The following NELL2 variants were observed in gnomAD, a reference collection of about 807,000 sequenced individuals.
NELL2 encodes neural EGFL like 2, also known as protein kinase C-binding protein NELL2.
In NELL2, 41 loss-of-function variants were observed where a neutral mutation model predicts 109.6. The ratio of observed to expected loss-of-function variants is 0.37; its 90% CI spans 0.29 to 0.49. The LOEUF (loss-of-function observed/expected upper bound fraction) is 0.49. NELL2 is among the 20% of genes least tolerant of loss of function. The pLI, the probability that NELL2 is intolerant of heterozygous loss-of-function variation, is 0.98. For missense variants in NELL2, 900 were observed against 1,008.3 expected, an observed-to-expected ratio of 0.89 and a Z score of 1.45; for synonymous variants, 355 against 344.7, an observed-to-expected ratio of 1.03 and a Z score of -0.33.
At chr12:44,882,546 G>A (rs1381435589) in intron 1 of NELL2, among the ~76,000 whole-genome samples, 3 of 150,866 alleles carry the variant, frequency 2.0e-5, no homozygotes, top group African/African-American at 7.4e-5. Flanking sequence ...TTATTTTTTT[G>A]AGATGGAGTC....
intron 13 of NELL2, among the ~76,000 whole-genome samples, chr12:44,622,178 A>G (rs1350916927): frequency 6.6e-6 from 1 of 152,152 alleles, no homozygotes. Context: ...TCTAGAGTTC[A>G]TTGCACTCAC....
At chr12:44,778,589 T>C (rs956211513) in intron 5 of NELL2, among the ~76,000 whole-genome samples, 1 of 152,138 alleles carries the variant, frequency 6.6e-6, no homozygotes, top group Non-Finnish European at 1.5e-5. Context: ...TAAATAGAGA[T>C]GAGATTTGGG....
intron 2 of NELL2, among the ~76,000 whole-genome samples, chr12:44,858,556 A>G (rs1944747513): frequency 6.6e-6 from 1 of 152,222 alleles, no homozygotes; most frequent in Admixed American, 6.5e-5. Context: ...CTTCCCCAAC[A>G]GCTCCTTCAC....
chr12:44,786,243 A>T (rs1035360324), intron 3 of NELL2, among the ~76,000 whole-genome samples: 4 of 152,244 alleles, frequency 2.6e-5, no homozygotes, highest in Admixed American at 2.0e-4. Context: ...TTTCAAAAGA[A>T]GACATTTATG....
intron 13 of NELL2, among the ~76,000 whole-genome samples, chr12:44,628,246 G>A (rs1000220199): frequency 1.4e-4 from 21 of 152,146 alleles, no homozygotes; most frequent in Admixed American, 3.9e-4. Flanking sequence ...AATGGGTTTT[G>A]TAGTCTCATT....
chr12:44,790,587 T>C (rs1942344706), intron 3 of NELL2, among the ~76,000 whole-genome samples: 1 of 147,984 alleles, frequency 6.8e-6, no homozygotes, highest in African/African-American at 2.5e-5. Context: ...AAAAACAAAA[T>C]AACAACAACA....
intron 2 of NELL2, among the ~76,000 whole-genome samples, chr12:44,825,942 T>C (rs1943697372): frequency 6.6e-6 from 1 of 151,694 alleles, no homozygotes; most frequent in Non-Finnish European, 1.5e-5. Flanking sequence ...CTCTGGAGGC[T>C]GAAGCAGGAG....
At chr12:44,688,294 T>C (rs1948790580) in intron 12 of NELL2, among the ~76,000 whole-genome samples, 1 of 152,234 alleles carries the variant, frequency 6.6e-6, no homozygotes, top group Non-Finnish European at 1.5e-5. Flanking sequence ...AATATCATTA[T>C]ACAGACTCTA....
At chr12:44,744,957 G>C (rs930523135) in intron 9 of NELL2, among the ~76,000 whole-genome samples, 1 of 152,156 alleles carries the variant, frequency 6.6e-6, no homozygotes, top group Non-Finnish European at 1.5e-5. Context: ...ATTTTATGAG[G>C]CCAGCATCAT....
intron 13 of NELL2, among the ~76,000 whole-genome samples, chr12:44,636,573 G>A (rs1490070889): frequency 6.6e-6 from 1 of 152,146 alleles, no homozygotes; most frequent in Non-Finnish European, 1.5e-5. Flanking sequence ...CTGTTTATGT[G>A]ATGGATGACA....
At chr12:44,778,214 G>A (rs917664810) in intron 5 of NELL2, among the ~76,000 whole-genome samples, 5 of 152,020 alleles carry the variant, frequency 3.3e-5, no homozygotes, top group African/African-American at 7.3e-5. Flanking sequence ...AATTTTAAAC[G>A]TACCTATAAA....
intron 2 of NELL2, among the ~76,000 whole-genome samples, chr12:44,817,981 C>G (rs7964617): frequency 1.3e-5 from 2 of 152,210 alleles, no homozygotes; most frequent in African/African-American, 4.8e-5. Flanking sequence ...AGACTTGGGA[C>G]AGTTGTTCAA....
At chr12:44,613,067 C>T (rs1449440290) in intron 13 of NELL2, among the ~76,000 whole-genome samples, 4 of 151,976 alleles carry the variant, frequency 2.6e-5, no homozygotes, top group Non-Finnish European at 5.9e-5. Flanking sequence ...TATATGTTCC[C>T]TGTGACTGAA....
intron 9 of NELL2, among the ~76,000 whole-genome samples, chr12:44,765,010 C>T (rs1033542774): frequency 2.4e-4 from 37 of 152,254 alleles, no homozygotes; most frequent in Admixed American, 1.3e-3. Flanking sequence ...CACCCTGAAA[C>T]ACTGATTCAG....
intron 2 of NELL2, 82 bp from the exon 3 acceptor site, chr12:44,816,218 A>C: frequency 1.6e-6 from 2 of 1,276,298 alleles, no homozygotes; most frequent in Non-Finnish European, 2.1e-6. Flanking sequence ...CTTTCAAAAA[A>C]CTTTATCAAG....
At chr12:44,894,949 T>C (rs1012161109) in intron 1 of NELL2, among the ~76,000 whole-genome samples, 2 of 152,218 alleles carry the variant, frequency 1.3e-5, no homozygotes, top group African/African-American at 4.8e-5. Flanking sequence ...ATTCAAACAT[T>C]CTCAATAGAA....
intron 15 of NELL2, among the ~76,000 whole-genome samples, chr12:44,564,570 A>G (rs1048190021): frequency 6.6e-6 from 1 of 152,196 alleles, no homozygotes; most frequent in Non-Finnish European, 1.5e-5. Flanking sequence ...GTTGTGCCCT[A>G]TTAGACTCAC....
At chr12:44,747,963 C>T (rs940411680) in intron 9 of NELL2, among the ~76,000 whole-genome samples, 9 of 152,106 alleles carry the variant, frequency 5.9e-5, no homozygotes, top group African/African-American at 2.2e-4. Context: ...TGGAAAGATT[C>T]GAAGGCAAGT....
rs568117807 is a variant in NELL2, at chr12:44,572,474, G to C, written c.1663+34695C>G. Among the ~76,000 whole-genome samples, 5 of 152,098 alleles carry C rather than the reference G, an allele frequency of 3.3e-5. No individual in the cohort carries two copies. In the South Asian group the frequency reaches 1.0e-3, roughly 32 times the overall value. On this transcript the variant is annotated intron_variant, in intron 15 of 19. Transcript: ENST00000429094. The stretch of plus-strand genomic sequence containing the variant: ...TGCTCTTTTTGATAATAATAATTTT[G>C]ATTTTCTTAAAAAAATGTGATGAGC...
Sources: gnomAD v4.1 joint callset for allele counts (sites outside exome capture counted in the v4.1 genomes callset) on GRCh38, gnomAD v4.1.1 for gene constraint, MANE v1.5 for transcripts, NCBI Gene and HGNC (gene_info 2026-07-23, HGNC 2026-07-21) for gene names.